Variants in CADM2 observed in about 807,000 individuals in gnomAD.
CADM2 encodes immunoglobulin superfamily member 4D.
In CADM2, 12 loss-of-function variants were observed where a neutral mutation model predicts 49.8. The ratio of observed to expected loss-of-function variants is 0.24; its 90% CI spans 0.15 to 0.39. CADM2 has a LOEUF of 0.39. Among genes scored for constraint, CADM2 ranks in the 10% least tolerant of loss-of-function variants. The pLI is 1.00. For missense variants in CADM2, 378 were observed against 492.3 expected (o/e 0.77, Z 2.20); for synonymous variants, 214 against 175.4 (o/e 1.22, Z -1.74).
chr3:85,417,151 T>A (rs1175670716), intron 1 of CADM2, among the ~76,000 whole-genome samples: 1 of 152,190 alleles, frequency 6.6e-6, no homozygotes, highest in Non-Finnish European at 1.5e-5. Context: ...CTTTGGGTTT[T>A]AAATTTTTAA....
At chr3:85,947,514 T>C (rs1722884654) in intron 7 of CADM2, among the ~76,000 whole-genome samples, 1 of 151,460 alleles carries the variant, frequency 6.6e-6, no homozygotes, top group Non-Finnish European at 1.5e-5. Flanking sequence ...TCTTCAAAGA[T>C]ATAATATTGG....
intron 1 of CADM2, among the ~76,000 whole-genome samples, chr3:85,162,401 G>A (rs974999686): frequency 1.3e-5 from 2 of 151,938 alleles, no homozygotes; most frequent in African/African-American, 4.8e-5. Context: ...ATATCAACAA[G>A]CATGTCAAAA....
intron 2 of CADM2, among the ~76,000 whole-genome samples, chr3:85,754,291 A>G (rs191227677): frequency 2.7e-3 from 404 of 152,258 alleles, no homozygotes; most frequent in Non-Finnish European, 4.8e-3. Context: ...CCCTGACACC[A>G]GGTGCAACCA....
intron 1 of CADM2, among the ~76,000 whole-genome samples, chr3:85,678,334 A>C (rs1308725006): frequency 1.3e-5 from 2 of 152,144 alleles, no homozygotes; most frequent in African/African-American, 4.8e-5. Flanking sequence ...TTAGTACCAG[A>C]CTTCATCCAC....
At chr3:85,513,955 T>C (rs2089751194) in intron 1 of CADM2, among the ~76,000 whole-genome samples, 1 of 152,056 alleles carries the variant, frequency 6.6e-6, no homozygotes, top group African/African-American at 2.4e-5. Flanking sequence ...TAGCTATTAG[T>C]ATTAGCAATT....
chr3:85,351,190 G>T (rs11918831), intron 1 of CADM2, among the ~76,000 whole-genome samples: 1 of 151,854 alleles, frequency 6.6e-6, no homozygotes, highest in Non-Finnish European at 1.5e-5. Context: ...TCTAAATTTG[G>T]CATGATTGAA....
intron 7 of CADM2, among the ~76,000 whole-genome samples, chr3:85,945,434 C>G (rs1722545038): frequency 6.6e-6 from 1 of 152,010 alleles, no homozygotes; most frequent in Non-Finnish European, 1.5e-5. Flanking sequence ...TTTATGAGGC[C>G]AGCATCATCC....
intron 1 of CADM2, among the ~76,000 whole-genome samples, chr3:85,591,083 T>C (rs2063094296): frequency 6.6e-6 from 1 of 151,984 alleles, no homozygotes; most frequent in Non-Finnish European, 1.5e-5. Flanking sequence ...AATATTTCAG[T>C]GTAAGTGACT....
chr3:85,556,794 T>C lies in CADM2; in HGVS notation c.62-169728T>C, dbSNP rs2061971046. ...TATCCTTTGCATGCTTAGGCAACTATATGTTGATTTACAAATCAGGACAGA... is the reference window on the plus strand; with the variant it reads ...TATCCTTTGCATGCTTAGGCAACTACATGTTGATTTACAAATCAGGACAGA... On this transcript the variant is annotated intron_variant, in intron 1 of 9. Coordinates refer to ENST00000383699, the MANE Select transcript of CADM2 (RefSeq NM_001167675.2). 2.0e-5 allele frequency among the ~76,000 whole-genome samples: 3 copies of C among 152,174 alleles called. 1 individual carries two copies. The highest frequency in any genetic ancestry group is 7.2e-5 in the African/African-American group (3 of 41,466).
chr3:85,378,635 A>T (rs1404915140), intron 1 of CADM2, among the ~76,000 whole-genome samples: 1 of 152,002 alleles, frequency 6.6e-6, no homozygotes, highest in East Asian at 1.9e-4. Context: ...CACATTTCTC[A>T]GCGAAAATGA....
chr3:85,882,602 T>C (rs1032868286), intron 3 of CADM2, among the ~76,000 whole-genome samples: 1 of 152,122 alleles, frequency 6.6e-6, no homozygotes, highest in African/African-American at 2.4e-5. Context: ...ATGATAAACT[T>C]TTTAATGCTT....
chr3:85,287,838 A>T (rs1457131731), intron 1 of CADM2, among the ~76,000 whole-genome samples: 1 of 151,974 alleles, frequency 6.6e-6, no homozygotes, highest in Non-Finnish European at 1.5e-5. Flanking sequence ...TCAGCAAACT[A>T]TCGCAAGGAC....
intron 8 of CADM2, among the ~76,000 whole-genome samples, chr3:85,966,409 A>G (rs992959924): frequency 6.6e-6 from 1 of 151,562 alleles, no homozygotes; most frequent in East Asian, 2.0e-4. Context: ...ACCCTATGTG[A>G]GTGTTAAAAT....
intron 1 of CADM2, among the ~76,000 whole-genome samples, chr3:85,448,489 G>A (rs1443346911): frequency 1.3e-5 from 2 of 151,932 alleles, no homozygotes; most frequent in Non-Finnish European, 2.9e-5. Context: ...ACAAATAATT[G>A]AAAAGTTAAA....
intron 1 of CADM2, among the ~76,000 whole-genome samples, chr3:85,243,945 G>T (rs1259748762): frequency 6.6e-6 from 1 of 151,836 alleles, no homozygotes; most frequent in Non-Finnish European, 1.5e-5. Flanking sequence ...ATTATTAAAT[G>T]TATGATTTAA....
intron 1 of CADM2, among the ~76,000 whole-genome samples, chr3:85,366,492 G>A (rs2032795041): frequency 6.6e-6 from 1 of 152,082 alleles, no homozygotes; most frequent in East Asian, 1.9e-4. Context: ...TGTTTTGTGA[G>A]GCTTGTTATT....
rs879934679 is a variant in CADM2 at position 85,461,416 on chromosome 3, T to A, written c.62-265106T>A. 3.8e-4 allele frequency among the ~76,000 whole-genome samples: 58 copies of A among 152,226 alleles called. 1 individual carries two copies. Among genetic ancestry groups the A allele is most frequent in the Non-Finnish European group, 1.5e-4 (10 of 68,042 alleles). ...TAAGTTTCTTTCCTACAATTTCACA[T>A]AACATACGCTTTTATTGATACTTTT... On this transcript the variant is annotated intron_variant, in intron 1 of 9. Coordinates refer to ENST00000383699, the MANE Select transcript of CADM2 (RefSeq NM_001167675.2).
intron 1 of CADM2, among the ~76,000 whole-genome samples, chr3:85,069,040 CCAAT>C (rs1351073154): frequency 1.3e-5 from 2 of 151,916 alleles, no homozygotes; most frequent in Non-Finnish European, 2.9e-5. Flanking sequence ...TTATGTTGTG[CCAAT>C]CAAATATGCT....
chr3:85,099,331 A>C (rs892910471), intron 1 of CADM2, among the ~76,000 whole-genome samples: 1 of 152,192 alleles, frequency 6.6e-6, no homozygotes, highest in African/African-American at 2.4e-5. Context: ...TGAAAACTCC[A>C]TCAGGGTTTG....
Sources: gnomAD v4.1 joint callset for allele counts (sites outside exome capture counted in the v4.1 genomes callset) on GRCh38, gnomAD v4.1.1 for gene constraint, MANE v1.5 for transcripts, NCBI Gene and HGNC (gene_info 2026-07-23, HGNC 2026-07-21) for gene names.